Variants in MYO15A observed in about 807,000 individuals in gnomAD.
The protein encoded by MYO15A is unconventional myosin-XV.
A neutral mutation model predicts 394.6 loss-of-function variants in MYO15A; 308 were observed. That is an observed-to-expected ratio of 0.78 (90% confidence interval 0.71 to 0.86). The LOEUF is 0.86. MYO15A is among the 40% of genes least tolerant of loss of function. MYO15A has a pLI of 0.00. For synonymous variants in MYO15A, 1,957 were observed against 2,003.8 expected, an observed-to-expected ratio of 0.98 and a Z score of 0.62; for missense variants, 4,606 against 4,799.1, an observed-to-expected ratio of 0.96 and a Z score of 1.19.
chr17:18,119,948 G>C lies in MYO15A; in HGVS notation c.1148G>C (p.Gly383Ala). The C allele has an allele frequency of 6.2e-7, 1 of 1,613,698 alleles. No homozygotes were observed. The highest frequency in any genetic ancestry group is 8.5e-7 in the Non-Finnish European group (1 of 1,180,010). The change falls in exon 2 of 66, where the codon GGC becomes GCC. Residue 383 changes from glycine (G) to alanine (A), a missense_variant. By Grantham distance (60) the Gly-to-Ala change is moderately conservative. Around this residue, in one of 2 missense-constraint regions of MYO15A, gnomAD observed 1,830 missense variants for 1,689.7 expected, o/e 1.08. Transcript: ENST00000647165. The stretch of plus-strand genomic sequence containing the variant: ...CACTACACCGTCCCCTATGCCGAAG[G>C]CGTCTATGGCGGTGGGGACGAGGCC... ...GVHYTVPYAE[G>A]VYGGGDEAIY...
At chr17:18,116,139 G>C (rs2045779785) in intron 1 of MYO15A, among the ~76,000 whole-genome samples, 1 of 152,214 alleles carries the variant, frequency 6.6e-6, no homozygotes, top group African/African-American at 2.4e-5. Flanking sequence ...TTAGGGAAAG[G>C]GGCCAGGCTG....
intron 19 of MYO15A, 136 bp from the exon 20 acceptor site, chr17:18,140,381 G>A: frequency 3.3e-6 from 4 of 1,207,764 alleles, no homozygotes; most frequent in Non-Finnish European, 4.8e-6. Context: ...GATGACAGAG[G>A]CCTTGCAGAG....
At position 18,119,847 on chromosome 17, in the gene MYO15A, C is replaced by T. The variant is rs567657743; in HGVS notation, c.1047C>T (p.Tyr349=). Residue 349 remains tyrosine, a synonymous_variant, in exon 2 of 66, where the codon TAC becomes TAT. Transcript: ENST00000647165. ...YGYYLDPYAP[Y]DAPYPPYDLP... is the part of the protein sequence containing the mutation. ...ACTACCTGGATCCCTATGCGCCGTA[C>T]GACGCGCCATACCCACCCTATGACC... 46 of 1,613,072 alleles carry T rather than the reference C, an allele frequency of 2.9e-5. No homozygotes were observed. The East Asian group carries it at 9.8e-4, about 34-fold the overall frequency.
At chr17:18,178,073 C>T (rs2047039471) in intron 65 of MYO15A, 1 of 155,856 alleles carries the variant, frequency 6.4e-6, no homozygotes, top group Non-Finnish European at 1.4e-5. Context: ...TTTTTTAAAT[C>T]TAAAGAATTT....
chr17:18,160,005 C>T lies in MYO15A; in HGVS notation c.9374C>T (p.Thr3125Ile). Residue 3125 changes from threonine (T) to isoleucine (I), a missense_variant, in exon 56 of 66, where the codon ACC (threonine) becomes ATC (isoleucine). Transcript: ENST00000647165. ...CQVVKQITDNTSSKQDSCQRG... is the reference protein window; with the variant it reads ...CQVVKQITDNISSKQDSCQRG... ...GTTGTGAAGCAGATCACAGACAATACCAGCTCCAAGCAGTGAGTGAACTGG... is the reference window on the plus strand; with the variant it reads ...GTTGTGAAGCAGATCACAGACAATATCAGCTCCAAGCAGTGAGTGAACTGG... 3 of 1,612,126 alleles carry T rather than the reference C, an allele frequency of 1.9e-6. No individual in the cohort carries two copies. The highest frequency in any genetic ancestry group is 2.5e-6 in the Non-Finnish European group (3 of 1,179,978).
rs1419468164 is a variant in MYO15A, at chr17:18,120,457, C to A, written c.1657C>A (p.Arg553=). ...CGCGCTGTCGGCCTTCGGCGCCCAC[C>A]GGGGCCTGGGCTTCGGCCCTGAGTT... The part of the protein sequence containing the change: ...QRALSAFGAH[R]GLGFGPEFGR... Residue 553 remains arginine, a synonymous_variant, in exon 2 of 66, where the codon CGG becomes AGG. Transcript: ENST00000647165. The A allele has an allele frequency of 6.3e-7, 1 of 1,577,146 alleles. No individual in the cohort carries two copies. The highest frequency in any genetic ancestry group is 8.6e-7 in the Non-Finnish European group (1 of 1,164,558).
Position 18,127,132 on chromosome 17 carries a change from C to T in MYO15A, c.3999C>T (p.Ala1333=), listed in dbSNP as rs192570479. The T allele has an allele frequency of 3.5e-4, 567 of 1,614,040 alleles. 9 individuals are homozygous for T. The East Asian group carries it at 5.9e-3, about 17-fold the overall frequency. ...EATKLILRYL[A]AMNQKREVMQ... Reference sequence around the variant, plus strand: ...CCAAGCTGATTCTGCGCTACCTGGCCGCCATGAACCAGAAACGGGAGGTCA... The same window carrying T: ...CCAAGCTGATTCTGCGCTACCTGGCTGCCATGAACCAGAAACGGGAGGTCA... Residue 1333 remains alanine (A), a synonymous_variant, in exon 7 of 66, where the codon GCC becomes GCT. Coordinates refer to ENST00000647165, the MANE Select transcript of MYO15A (RefSeq NM_016239.4).
At chr17:18,154,902 A>G (rs2046648447) in intron 45 of MYO15A, 147 bp downstream of exon 45, 1 of 1,038,962 alleles carries the variant, frequency 9.6e-7, no homozygotes, top group East Asian at 2.6e-5. Context: ...GGCCTCTCGC[A>G]TGGCCGGGCT....
At chr17:18,129,112 C>T (rs529119110) in intron 7 of MYO15A, among the ~76,000 whole-genome samples, 1 of 152,306 alleles carries the variant, frequency 6.6e-6, no homozygotes, top group East Asian at 1.9e-4. Flanking sequence ...CAAGCTGGCA[C>T]CATAATGATC....
At position 18,120,346 on chromosome 17, in the gene MYO15A, G is replaced by A. The variant is rs746673301; in HGVS notation, c.1546G>A (p.Glu516Lys). ...PLGDADEEED[E>K]EELPPVSAVP... The stretch of plus-strand genomic sequence containing the variant: ...GGGGGATGCGGACGAAGAAGAGGAC[G>A]AGGAGGAGCTGCCCCCGGTTTCCGC... Residue 516 changes from glutamate (E) to lysine (K), a missense_variant, in exon 2 of 66, where the codon GAG becomes AAG. Physicochemically the swap from Glu to Lys is moderately conservative, Grantham distance 56. Around this residue, in one of 2 missense-constraint regions of MYO15A, gnomAD observed 1,830 missense variants for 1,689.7 expected, o/e 1.08. Transcript: ENST00000647165. The A allele has an allele frequency of 3.7e-6, 6 of 1,612,258 alleles. No homozygotes were observed. Among genetic ancestry groups the A allele is most frequent in the Admixed American group, 1.7e-5 (1 of 60,012 alleles).
chr17:18,144,591 T>C lies in MYO15A; in HGVS notation c.6272T>C (p.Leu2091Pro). 6.2e-7 allele frequency: 1 copy of C among 1,611,712 alleles called. No homozygotes were observed. The highest frequency in any genetic ancestry group is 8.5e-7 in the Non-Finnish European group (1 of 1,179,946). ...HHAEAVSIFK[L>P]ILRFMGDPHL... ...GCAGAAGCCGTGAGCATCTTCAAGC[T>C]GGTATGGGGTCTGCCCCAGCCCACC... Residue 2091 changes from leucine (L) to proline (P), a missense_variant and splice_region_variant, in exon 29 of 66, where the codon CTG (leucine) becomes CCG (proline). Physicochemically the swap from Leu to Pro is moderately conservative, Grantham distance 98. Coordinates refer to ENST00000647165, the MANE Select transcript of MYO15A (RefSeq NM_016239.4).
chr17:18,112,390 A>G (rs957518273), intron 1 of MYO15A, among the ~76,000 whole-genome samples: 1 of 150,444 alleles, frequency 6.6e-6, no homozygotes, highest in Non-Finnish European at 1.5e-5. Context: ...ATTTTCACAT[A>G]TACACTTTTT....
chr17:18,169,213 G>A (rs1453492589), intron 62 of MYO15A, among the ~76,000 whole-genome samples: 1 of 151,276 alleles, frequency 6.6e-6, no homozygotes, highest in East Asian at 1.9e-4. Flanking sequence ...TTGGGAGGTC[G>A]AGGTGCGTGG....
At chr17:18,157,260 C>T (rs746931862) in intron 50 of MYO15A, 30 bp downstream of exon 50, 41 of 1,576,014 alleles carry the variant, frequency 2.6e-5, no homozygotes, top group East Asian at 7.1e-5. Flanking sequence ...GAACCCCATA[C>T]GGGGCGCATC....
At chr17:18,157,592 GT>G in intron 50 of MYO15A, 129 bp from the exon 51 acceptor site, 1 of 1,500,110 alleles carries the variant, frequency 6.7e-7, no homozygotes. Context: ...TGTAAAATGG[GT>G]TTGATGGCCT....
intron 41 of MYO15A, 22 bp downstream of exon 41, chr17:18,151,973 G>A: frequency 1.3e-6 from 2 of 1,550,696 alleles, no homozygotes; most frequent in Non-Finnish European, 1.7e-6. Flanking sequence ...AGGTGGGGCT[G>A]AGCCCAGGTG....
At position 18,120,792 on chromosome 17, in the gene MYO15A, C is replaced by A; in HGVS notation, c.1992C>A (p.Pro664=). 3.8e-6 allele frequency: 5 copies of A among 1,330,552 alleles called. No homozygotes were observed. The highest frequency in any genetic ancestry group is 4.8e-6 in the Non-Finnish European group (5 of 1,045,044). The allele number at this position is 1,330,552 out of a possible 1,614,324, so 82.4% of individuals were successfully genotyped here. A position where few individuals can be genotyped will look rare whatever the true frequency, so the allele number is the denominator to read the frequency against. ...ACTGGAGCGCGCTCCTGTCTCCGCCCGTGCCCCCGCGGCCCCCAAGCTCCG... is the reference window on the plus strand; with the variant it reads ...ACTGGAGCGCGCTCCTGTCTCCGCCAGTGCCCCCGCGGCCCCCAAGCTCCG... ...LSHWSALLSP[P]VPPRPPSSGP... Residue 664 remains proline, a synonymous_variant, in exon 2 of 66, where the codon CCC becomes CCA. Transcript: ENST00000647165.
rs1416818922 is a variant in MYO15A, at chr17:18,171,781, G to T, written c.10216+10G>T. The T allele has an allele frequency of 8.7e-6, 14 of 1,605,860 alleles. No individual in the cohort carries two copies. Among genetic ancestry groups the T allele is most frequent in the Non-Finnish European group, 1.1e-5 (13 of 1,179,506 alleles). On this transcript the variant is annotated intron_variant, in intron 63 of 65. Transcript: ENST00000647165. ...CGTGCCCAGTTTCTGGGTAAGAGCT[G>T]CAGGGCAGGGGAGGTGATCATAGGG...
Position 18,121,347 on chromosome 17 carries a change from GC to G in MYO15A, c.2551del (p.Leu851TrpfsTer12). The stretch of plus-strand genomic sequence containing the variant: ...CGGGCTCACCCAGGCCGCCCTCGCC[GC>G]CCCTGGGGCTCTGCCACAGCCCGCG... ...LPGSPRPPSP[P>X]LGLCHSPRRS... On this transcript the variant is annotated frameshift_variant, in exon 2 of 66. Transcript: ENST00000647165. LOFTEE classifies it high-confidence loss of function. This position sits in a 1 kb window ranked among gnomAD's most constrained non-coding sequence, Gnocchi z 5.3. The G allele has an allele frequency of 1.4e-6, 2 of 1,419,454 alleles. No homozygotes were observed. Among genetic ancestry groups the G allele is most frequent in the Non-Finnish European group, 9.1e-7 (1 of 1,093,576 alleles). The allele number at this position is 1,419,454 out of a possible 1,614,324, so 87.9% of individuals were successfully genotyped here.
Sources: allele counts gnomAD v4.1 joint callset (sites outside exome capture counted in the v4.1 genomes callset), GRCh38; gene constraint gnomAD v4.1.1; regional missense constraint gnomAD v4.1.1; non-coding constraint Gnocchi (gnomAD v3.1); transcripts MANE v1.5; gene names NCBI Gene and HGNC (gene_info 2026-07-23, HGNC 2026-07-21).